PLEKHM3: variants seen among roughly 807,000 people sequenced by gnomAD.
PLEKHM3 encodes pleckstrin homology domain containing M3, also known as pleckstrin homology domain-containing family M member 3.
PLEKHM3 carries 45 observed loss-of-function variants against 81.8 expected under a neutral mutation model. That is an observed-to-expected ratio of 0.55 (90% confidence interval 0.43 to 0.71). PLEKHM3 has a LOEUF of 0.71. PLEKHM3 is among the 30% of genes least tolerant of loss of function. PLEKHM3 has a pLI of 0.00. For missense variants in PLEKHM3, 788 were observed against 924.3 expected, an observed-to-expected ratio of 0.85 and a Z score of 1.91; for synonymous variants, 352 against 356.4, an observed-to-expected ratio of 0.99 and a Z score of 0.14.
intron 5 of PLEKHM3, among the ~76,000 whole-genome samples, chr2:207,926,698 G>A (rs1311886345): frequency 1.3e-5 from 2 of 152,148 alleles, no homozygotes; most frequent in South Asian, 2.1e-4. Context: ...TTTAAGCTTC[G>A]GGGAGGACAC....
In PLEKHM3 at chr2:207,843,884, G is replaced by T. The variant is rs1441955234; in HGVS notation, c.2109-15388C>A. ...GCAGGAGGATTGCTTGAGCCCAGGA[G>T]CTGGAGACCAGTCTGAGCAACATAT... On this transcript the variant is annotated intron_variant, in intron 7 of 7. Transcript: ENST00000427836. This position sits in a 1 kb window ranked among gnomAD's most constrained non-coding sequence, Gnocchi z 4.4. 1.3e-5 allele frequency among the ~76,000 whole-genome samples: 2 copies of T among 152,052 alleles called. No individual in the cohort carries two copies. Among genetic ancestry groups the T allele is most frequent in the Non-Finnish European group, 2.9e-5 (2 of 68,002 alleles).
Position 207,930,906 on chromosome 2 carries a change from CT to C in PLEKHM3, c.1886+19del. On this transcript the variant is annotated intron_variant, in intron 5 of 7. Coordinates refer to ENST00000427836, the MANE Select transcript of PLEKHM3 (RefSeq NM_001080475.3). ...GGAAAGAAAAACAAACGGGAGCCGT[CT>C]GAGATTTATGACTCTTACCTGCGGC... 2 of 1,607,588 alleles carry C rather than the reference CT, an allele frequency of 1.2e-6. No individual in the cohort carries two copies. The highest frequency in any genetic ancestry group is 1.7e-6 in the Non-Finnish European group (2 of 1,175,646).
chr2:207,938,763 G>A (rs1231308907), intron 4 of PLEKHM3, among the ~76,000 whole-genome samples: 1 of 152,202 alleles, frequency 6.6e-6, no homozygotes, highest in Non-Finnish European at 1.5e-5. Flanking sequence ...CACGGATGAA[G>A]CGAGTGTACC....
intron 5 of PLEKHM3, among the ~76,000 whole-genome samples, chr2:207,923,689 A>G (rs562171483): frequency 1.3e-5 from 2 of 151,724 alleles, no homozygotes; most frequent in South Asian, 4.2e-4. Context: ...GGCAATGGGA[A>G]TGAAAAATAA....
chr2:207,822,176 T>C lies in PLEKHM3; in HGVS notation c.*6143A>G, dbSNP rs942700107. 1 of 152,214 alleles carries C rather than the reference T, an allele frequency of 6.6e-6. No individual in the cohort carries two copies. Among genetic ancestry groups the C allele is most frequent in the Non-Finnish European group, 1.5e-5 (1 of 68,038 alleles). 9.4% of individuals were successfully genotyped at this position (152,214 alleles called of 1,614,324 possible). A position where few individuals can be genotyped will look rare whatever the true frequency, so the allele number is the denominator to read the frequency against. ...AGGCCTCCAGCAGCCAAAGCCTAAT[T>C]TGATGGCTCAGTGGACACACAAAGC... is the stretch of plus-strand genomic sequence containing the variant. On this transcript the variant is annotated 3_prime_UTR_variant, in exon 8 of 8. Transcript: ENST00000427836.
At chr2:207,941,097 A>G (rs1176492569) in intron 4 of PLEKHM3, among the ~76,000 whole-genome samples, 1 of 152,228 alleles carries the variant, frequency 6.6e-6, no homozygotes, top group East Asian at 1.9e-4. Context: ...GGGATATATT[A>G]GAAAAGGACA....
At chr2:207,831,408 T>A (rs7574866) in intron 7 of PLEKHM3, among the ~76,000 whole-genome samples, 1 of 152,040 alleles carries the variant, frequency 6.6e-6, no homozygotes, top group African/African-American at 2.4e-5. Context: ...AGCGAGAGCA[T>A]GGAGCCATCG....
chr2:207,895,125 G>T (rs538160711), intron 6 of PLEKHM3, among the ~76,000 whole-genome samples: 1 of 152,200 alleles, frequency 6.6e-6, no homozygotes, highest in Non-Finnish European at 1.5e-5. Context: ...AGCAGCAGAG[G>T]TATTTTGTGA....
At chr2:207,837,761 ATTTTT>A (rs1194861994) in intron 7 of PLEKHM3, among the ~76,000 whole-genome samples, 21,991 of 75,450 alleles carry the variant, frequency 0.29, 5,423 homozygotes, top group Admixed American at 0.37. Context: ...CGGTTCTTCC[ATTTTT>A]TTTTTTTTTT....
At chr2:207,844,047 C>T (rs2092369189) in intron 7 of PLEKHM3, among the ~76,000 whole-genome samples, 1 of 151,768 alleles carries the variant, frequency 6.6e-6, no homozygotes, top group East Asian at 1.9e-4. Flanking sequence ...AGTGCCACTG[C>T]ACTCAAGCAT....
At chr2:207,901,140 G>A (rs1374705059) in intron 6 of PLEKHM3, 4 of 642,272 alleles carry the variant, frequency 6.2e-6, no homozygotes, top group African/African-American at 1.8e-5. Context: ...GGGCAACAGG[G>A]CTCTCTATCC....
intron 6 of PLEKHM3, among the ~76,000 whole-genome samples, chr2:207,896,916 C>T (rs1270007478): frequency 1.3e-5 from 2 of 152,216 alleles, no homozygotes; most frequent in African/African-American, 2.4e-5. Context: ...AGAAAGACTG[C>T]TTTTTGTTAA....
At chr2:207,988,200 A>G (rs1454923020) in intron 2 of PLEKHM3, among the ~76,000 whole-genome samples, 1 of 152,178 alleles carries the variant, frequency 6.6e-6, no homozygotes, top group African/African-American at 2.4e-5. Flanking sequence ...TCTTGTATAT[A>G]TAAGATGCTT....
At chr2:208,005,873 C>A (rs1419285140) in intron 1 of PLEKHM3, among the ~76,000 whole-genome samples, 1 of 152,112 alleles carries the variant, frequency 6.6e-6, no homozygotes, top group African/African-American at 2.4e-5. Flanking sequence ...AGAGATAGCG[C>A]CTCATGACCT....
intron 5 of PLEKHM3, among the ~76,000 whole-genome samples, chr2:207,908,919 T>C (rs1375636118): frequency 1.3e-5 from 2 of 152,254 alleles, no homozygotes; most frequent in Non-Finnish European, 2.9e-5. Context: ...AGTCCCCACA[T>C]GCCCACCTGG....
intron 6 of PLEKHM3, among the ~76,000 whole-genome samples, chr2:207,863,251 C>G (rs911883533): frequency 6.6e-6 from 1 of 152,190 alleles, no homozygotes; most frequent in African/African-American, 2.4e-5. Flanking sequence ...TTAAACTGTG[C>G]CAGATGAAGC....
chr2:207,934,287 G>A lies in PLEKHM3; in HGVS notation c.1693-3168C>T, dbSNP rs188001282. ...AAACTATGAAAAACCTAAAAAGCCTGCTGCCATTTCTGATGTAAAGAAAAA... is the reference window on the plus strand; with the variant it reads ...AAACTATGAAAAACCTAAAAAGCCTACTGCCATTTCTGATGTAAAGAAAAA... On this transcript the variant is annotated intron_variant, in intron 4 of 7. Coordinates refer to ENST00000427836, the MANE Select transcript of PLEKHM3 (RefSeq NM_001080475.3). Among the ~76,000 whole-genome samples the A allele has an allele frequency of 2.0e-3, 303 of 152,242 alleles. 2 individuals are homozygous for A. The highest frequency in any genetic ancestry group is 6.8e-3 in the African/African-American group (282 of 41,536).
chr2:207,945,471 G>T (rs1381746586), intron 4 of PLEKHM3, among the ~76,000 whole-genome samples: 1 of 152,226 alleles, frequency 6.6e-6, no homozygotes, highest in Non-Finnish European at 1.5e-5. Context: ...GCCTGAGGAT[G>T]GCTCAGTGTA....
In PLEKHM3 at chr2:207,828,356, G is replaced by T; in HGVS notation, c.2249C>A (p.Ala750Asp). The T allele has an allele frequency of 6.2e-7, 1 of 1,613,982 alleles. No individual in the cohort carries two copies. The highest frequency in any genetic ancestry group is 8.5e-7 in the Non-Finnish European group (1 of 1,179,982). ...RLNMDESLEEACTMFELSYQN... is the reference protein window; with the variant it reads ...RLNMDESLEEDCTMFELSYQN... ...GTAGGACAGCTCGAACATGGTGCAA[G>T]CCTCCTCTAGACTCTCGTCCATGTT... Residue 750 changes from alanine to aspartate, a missense_variant, in exon 8 of 8, where the codon GCT (alanine) becomes GAT (aspartate). Transcript: ENST00000427836.
Sources: allele counts gnomAD v4.1 joint callset (sites outside exome capture counted in the v4.1 genomes callset), GRCh38; gene constraint gnomAD v4.1.1; non-coding constraint Gnocchi (gnomAD v3.1); transcripts MANE v1.5; gene names NCBI Gene and HGNC (gene_info 2026-07-23, HGNC 2026-07-21).